The following ZNF728 variants were observed in gnomAD, a reference collection of about 807,000 sequenced individuals.
The protein encoded by ZNF728 is zinc finger protein 728.
Under a neutral mutation model 12.5 loss-of-function variants are expected in ZNF728, and 12 were observed. The observed-to-expected ratio is 0.96, with a 90% CI of 0.61 to 1.55. The LOEUF (loss-of-function observed/expected upper bound fraction) is 1.55. ZNF728 is among the 40% of genes most tolerant of loss of function. The probability of loss-of-function intolerance (pLI) is 0.00; values close to 1 mark genes in which losing one functional copy is unlikely to be tolerated. For missense variants in ZNF728, 692 were observed against 719.2 expected (o/e 0.96, Z 0.43); for synonymous variants, 205 against 240.7 (o/e 0.85, Z 1.37).
rs1969132055 is a variant in ZNF728 at position 23,003,108 on chromosome 19, G to A, written c.-78C>T. On this transcript the variant is annotated 5_prime_UTR_variant, in exon 1 of 4. Transcript: ENST00000594710. ...CAGGTCACAGGGCCATAGAAGCTGG[G>A]CCTTTAGGAGCGGACGACACACAGC... 3 of 1,493,082 alleles carry A rather than the reference G, an allele frequency of 2.0e-6. No individual in the cohort carries two copies. Among genetic ancestry groups the A allele is most frequent in the Admixed American group, 2.1e-5 (1 of 47,660 alleles). 92.5% of individuals were successfully genotyped at this position (1,493,082 alleles called of 1,614,324 possible).
In ZNF728 at chr19:22,976,477, T is replaced by C; in HGVS notation, c.860A>G (p.Glu287Gly). Residue 287 changes from glutamate to glycine, a missense_variant, in exon 4 of 4, where the codon GAA becomes GGA. By Grantham distance (98) the Glu-to-Gly change is moderately conservative. Around this residue, in one of 3 missense-constraint regions of ZNF728, gnomAD observed 440 missense variants for 459.6 expected, o/e 0.96. Coordinates refer to ENST00000594710, the MANE Select transcript of ZNF728 (RefSeq NM_001267716.2). The stretch of plus-strand genomic sequence containing the variant: ...CTTACTAAAGGCTTTGCCACATTCT[T>C]CACATTTGTAGGGTTTCTCTCCAGC... Reference protein sequence around the residue: ...SHAGEKPYKCEECGKAFSKAS... With the variant: ...SHAGEKPYKCGECGKAFSKAS... 6.2e-7 allele frequency: 1 copy of C among 1,613,220 alleles called. No individual in the cohort carries two copies. The highest frequency in any genetic ancestry group is 8.5e-7 in the Non-Finnish European group (1 of 1,179,960).
rs1222462797 is a variant in ZNF728 at position 22,981,799 on chromosome 19, T to C, written c.227-4689A>G. Among the ~76,000 whole-genome samples, 3 of 152,268 alleles carry C rather than the reference T, an allele frequency of 2.0e-5. No homozygotes were observed. The East Asian group carries it at 5.8e-4, about 29-fold the overall frequency. Reference sequence around the variant, plus strand: ...AAAACCACATGATTATCTCAATAGATGCAGAAAAGGCCTTCGACAAAATTC... The same window carrying C: ...AAAACCACATGATTATCTCAATAGACGCAGAAAAGGCCTTCGACAAAATTC... On this transcript the variant is annotated intron_variant, in intron 3 of 3. Transcript: ENST00000594710.
rs143717948 is a variant in ZNF728, at chr19:22,994,633, T to C, written c.4-6182A>G. ...TGGGAAGGCCATCCATGTATGCTAA[T>C]TGGTTATAATCAATGACAAAATAAA... On this transcript the variant is annotated intron_variant, in intron 1 of 3. Transcript: ENST00000594710. Among the ~76,000 whole-genome samples the C allele has an allele frequency of 1.5e-4, 23 of 152,286 alleles. No homozygotes were observed. In the East Asian group the frequency reaches 4.3e-3, roughly 28 times the overall value.
Position 22,976,396 on chromosome 19 carries a change from C to T in ZNF728, c.941G>A (p.Cys314Tyr). ...GTTGAAAGCTTTGCCACATTCTTCA[C>T]ATTTGTAGGGTTTCTCTCCAGCATG... ...TIHAGEKPYK[C>Y]EECGKAFNRS... The change falls in exon 4 of 4, where the codon TGT becomes TAT. Residue 314 changes from cysteine to tyrosine, a missense_variant. By Grantham distance (194) the Cys-to-Tyr change is radical. This residue lies in a region of ZNF728 where 440 missense variants were observed against 459.6 expected (regional missense o/e 0.96). Coordinates refer to ENST00000594710, the MANE Select transcript of ZNF728 (RefSeq NM_001267716.2). The T allele has an allele frequency of 6.2e-7, 1 of 1,613,206 alleles. No individual in the cohort carries two copies. Among genetic ancestry groups the T allele is most frequent in the Non-Finnish European group, 8.5e-7 (1 of 1,179,926 alleles).
At chr19:22,995,741 G>C (rs1221954086) in intron 1 of ZNF728, 1 of 152,174 alleles carries the variant, frequency 6.6e-6, no homozygotes, top group African/African-American at 2.4e-5. Context: ...CCAGCTCTCA[G>C]CAGAATTTTA....
At chr19:23,001,870 C>T (rs1366854058) in intron 1 of ZNF728, among the ~76,000 whole-genome samples, 8 of 151,942 alleles carry the variant, frequency 5.3e-5, no homozygotes, top group African/African-American at 1.9e-4. Flanking sequence ...AGAGTCAGGC[C>T]GGAGAAATAG....
At chr19:22,980,185 CA>C (rs147737278) in intron 3 of ZNF728, among the ~76,000 whole-genome samples, 92 of 86,510 alleles carry the variant, frequency 1.1e-3, no homozygotes, top group East Asian at 2.0e-3. Context: ...AAATGGAAAG[CA>C]AAAAAAAAAA....
chr19:22,985,880 GA>G, intron 3 of ZNF728: 1 of 153,608 alleles, frequency 6.5e-6, no homozygotes, highest in East Asian at 1.9e-4. Flanking sequence ...GGTACTCAGT[GA>G]AAGCCATACT....
chr19:22,988,209 A>G (rs1968939885), intron 2 of ZNF728, 116 bp downstream of exon 2: 3 of 1,562,424 alleles, frequency 1.9e-6, no homozygotes, highest in Non-Finnish European at 2.6e-6. Flanking sequence ...TTCCAAATAT[A>G]CTCTTTTGTC....
chr19:22,984,577 T>TACACACAC lies in ZNF728; in HGVS notation c.226+2723_226+2730dup, dbSNP rs57794293. Among the ~76,000 whole-genome samples the TACACACAC allele has an allele frequency of 3.7e-3, 401 of 109,224 alleles. 2 individuals are homozygous for TACACACAC. Among genetic ancestry groups the TACACACAC allele is most frequent in the African/African-American group, 9.7e-3 (294 of 30,402 alleles). 71.7% of individuals were successfully genotyped at this position (109,224 alleles called of 152,430 possible). The stretch of plus-strand genomic sequence containing the variant: ...CATCTCAAAAAAAAAAAAAAAAAAA[T>TACACACAC]ACACACACACACACACACACACACA... On this transcript the variant is annotated intron_variant, in intron 3 of 3. Transcript: ENST00000594710.
intron 3 of ZNF728, among the ~76,000 whole-genome samples, chr19:22,982,820 T>A (rs1968874859): frequency 6.6e-6 from 1 of 152,084 alleles, no homozygotes; most frequent in African/African-American, 2.4e-5. Flanking sequence ...CTCAGAAAAC[T>A]GAACTGGACC....
intron 3 of ZNF728, among the ~76,000 whole-genome samples, chr19:22,985,322 T>C (rs1327330512): frequency 5.3e-5 from 8 of 152,310 alleles, no homozygotes; most frequent in South Asian, 2.1e-4. Flanking sequence ...CAGTCATCCA[T>C]GACAAAAATG....
chr19:22,975,233 C>T lies in ZNF728; in HGVS notation c.*235G>A, dbSNP rs1968780177. 6.6e-6 allele frequency among the ~76,000 whole-genome samples: 1 copy of T among 152,176 alleles called. No homozygotes were observed. On this transcript the variant is annotated 3_prime_UTR_variant, in exon 4 of 4. Coordinates refer to ENST00000594710, the MANE Select transcript of ZNF728 (RefSeq NM_001267716.2). ...CACATTCTTCACACGTGTATGGTTT[C>T]TCTCCAGTATGAGTTGTCTTGTACG...
At chr19:22,998,941 G>A (rs1297973327) in intron 1 of ZNF728, among the ~76,000 whole-genome samples, 1 of 152,096 alleles carries the variant, frequency 6.6e-6, no homozygotes, top group African/African-American at 2.4e-5. Context: ...TTTGTCTTCA[G>A]TGGTCAACAT....
At chr19:22,989,712 A>C (rs1021391619) in intron 1 of ZNF728, among the ~76,000 whole-genome samples, 1 of 152,196 alleles carries the variant, frequency 6.6e-6, no homozygotes, top group Non-Finnish European at 1.5e-5. Flanking sequence ...CAAGATACAG[A>C]TATCTCCCAT....
At position 22,975,440 on chromosome 19, in the gene ZNF728, G is replaced by T. The variant is rs1272897330; in HGVS notation, c.*28C>A. The T allele has an allele frequency of 3.3e-6, 5 of 1,508,924 alleles. No individual in the cohort carries two copies. The highest frequency in any genetic ancestry group is 4.5e-5 in the Admixed American group (2 of 44,758). 93.5% of individuals were successfully genotyped at this position (1,508,924 alleles called of 1,614,324 possible). A position where few individuals can be genotyped will look rare whatever the true frequency, so the allele number is the denominator to read the frequency against. On this transcript the variant is annotated 3_prime_UTR_variant, in exon 4 of 4. Transcript: ENST00000594710. ...TACCCTTATGTTCAGTAAGGGTTAA[G>T]AACTAATTGAAAGCTTTGCCACATT...
chr19:22,987,281 A>G (rs1968926709), intron 3 of ZNF728, 27 bp downstream of exon 3: 1 of 1,596,978 alleles, frequency 6.3e-7, no homozygotes, highest in South Asian at 1.1e-5. Context: ...CCTCTCATCC[A>G]TGTTGTCTGT....
chr19:22,978,642 C>CCAGTA (rs1599526552), intron 3 of ZNF728, among the ~76,000 whole-genome samples: 1 of 152,074 alleles, frequency 6.6e-6, no homozygotes, highest in East Asian at 1.9e-4. Context: ...GCCTGTGGGA[C>CCAGTA]GAAGCTTCCA....
At chr19:23,002,715 TC>T (rs1969125356) in intron 1 of ZNF728, among the ~76,000 whole-genome samples, 1 of 152,176 alleles carries the variant, frequency 6.6e-6, no homozygotes, top group Non-Finnish European at 1.5e-5. Context: ...GTCAGGATTC[TC>T]CTGTGACGAC....
Sources: gnomAD v4.1 joint callset for allele counts (sites outside exome capture counted in the v4.1 genomes callset) on GRCh38, gnomAD v4.1.1 for gene constraint, gnomAD v4.1.1 regional missense constraint, MANE v1.5 for transcripts, NCBI Gene and HGNC (gene_info 2026-07-23, HGNC 2026-07-21) for gene names.